The following ANKRD17 variants were observed in gnomAD, a reference collection of about 807,000 sequenced individuals.
ANKRD17 encodes the protein ankyrin repeat domain 17.
ANKRD17 carries 19 observed loss-of-function variants against 229.7 expected under a neutral mutation model. That is an observed-to-expected ratio of 0.08 (90% CI 0.06 to 0.12). ANKRD17 has a LOEUF of 0.12. Ranked by LOEUF, ANKRD17 falls within the 10% of genes least tolerant of loss-of-function variation. The probability of loss-of-function intolerance (pLI) is 1.00; values close to 1 mark genes in which losing one functional copy is unlikely to be tolerated. For synonymous variants in ANKRD17, 1,112 were observed against 1,146.1 expected (o/e 0.97, Z 0.60); for missense variants, 2,176 against 3,176.8 (o/e 0.68, Z 7.57).
At chr4:73,207,096 T>C (rs553100452) in intron 1 of ANKRD17, among the ~76,000 whole-genome samples, 1 of 152,294 alleles carries the variant, frequency 6.6e-6, no homozygotes, top group East Asian at 1.9e-4. Flanking sequence ...AGTGCTAGGA[T>C]TACAGGCATG....
intron 1 of ANKRD17, among the ~76,000 whole-genome samples, chr4:73,223,500 G>A (rs765991893): frequency 6.6e-6 from 1 of 152,078 alleles, no homozygotes; most frequent in Non-Finnish European, 1.5e-5. Flanking sequence ...TGCTACATCA[G>A]GCAAATGTAT....
intron 16 of ANKRD17, among the ~76,000 whole-genome samples, chr4:73,133,765 G>GT (rs1263512533): frequency 1.3e-5 from 2 of 152,082 alleles, no homozygotes; most frequent in African/African-American, 4.8e-5. Context: ...TGGCACACCT[G>GT]TAATTCCAGC....
chr4:73,118,939 T>C, intron 21 of ANKRD17, 89 bp from the exon 22 acceptor site: 1 of 1,372,576 alleles, frequency 7.3e-7, no homozygotes, highest in East Asian at 2.3e-5. Context: ...CAGGCTGGAG[T>C]GCAGTGGTGA....
Position 73,139,659 on chromosome 4 carries a change from C to G in ANKRD17, c.2957G>C (p.Gly986Ala). ...NLTELQGVIV[G>A]QPVLGQAQLA... ...CTGTGCTTGGCCCAGTACTGGCTGTCCAACTATCACTCCTTGCAGTTCTGT... is the reference window on the plus strand; with the variant it reads ...CTGTGCTTGGCCCAGTACTGGCTGTGCAACTATCACTCCTTGCAGTTCTGT... Residue 986 changes from glycine to alanine, a missense_variant, in exon 15 of 34, where the codon GGA (glycine) becomes GCA (alanine). Around this residue, in one of 18 missense-constraint regions of ANKRD17, gnomAD observed 230 missense variants for 252.3 expected, o/e 0.91. Coordinates refer to ENST00000358602, the MANE Select transcript of ANKRD17 (RefSeq NM_032217.5). 6.2e-7 allele frequency: 1 copy of G among 1,614,138 alleles called. No individual in the cohort carries two copies. The highest frequency in any genetic ancestry group is 8.5e-7 in the Non-Finnish European group (1 of 1,180,026).
chr4:73,182,208 A>G (rs1424113587), intron 1 of ANKRD17, among the ~76,000 whole-genome samples: 1 of 152,014 alleles, frequency 6.6e-6, no homozygotes, highest in Non-Finnish European at 1.5e-5. Flanking sequence ...TAAGGGGGGA[A>G]AAAAGTTATC....
chr4:73,115,780 C>T (rs1288566130), intron 23 of ANKRD17, 41 bp downstream of exon 23: 2 of 1,465,910 alleles, frequency 1.4e-6, no homozygotes, highest in Middle Eastern at 1.8e-4. Context: ...GATATATTAA[C>T]CGAATAGAGT....
In ANKRD17 at chr4:73,124,881, AG is replaced by A. The variant is rs1217396418; in HGVS notation, c.3492+31del. The A allele has an allele frequency of 3.7e-6, 6 of 1,602,134 alleles. No individual in the cohort carries two copies. The East Asian group carries it at 1.3e-4, about 36-fold the overall frequency. On this transcript the variant is annotated intron_variant, in intron 18 of 33. Coordinates refer to ENST00000358602, the MANE Select transcript of ANKRD17 (RefSeq NM_032217.5). ...AAGTACACATTTGCTAAACAGAGAA[AG>A]GAAAACAATTACACTAAGGGGAAAC... is the stretch of plus-strand genomic sequence containing the variant.
At chr4:73,173,484 C>T (rs950466590) in intron 2 of ANKRD17, among the ~76,000 whole-genome samples, 2 of 152,114 alleles carry the variant, frequency 1.3e-5, no homozygotes, top group African/African-American at 4.8e-5. Flanking sequence ...CTTGGATGGG[C>T]AGAATAGCAT....
intron 29 of ANKRD17, among the ~76,000 whole-genome samples, chr4:73,087,424 T>A (rs913184514): frequency 6.6e-6 from 1 of 152,148 alleles, no homozygotes; most frequent in African/African-American, 2.4e-5. Flanking sequence ...GTTCAAAACA[T>A]CACCTATATG....
In ANKRD17 at chr4:73,139,629, G is replaced by C; in HGVS notation, c.2987C>G (p.Ala996Gly). Reference sequence around the variant, plus strand: ...TGTCAGAATTCCTTGCCCCAGCCCTGCCAACTGTGCTTGGCCCAGTACTGG... The same window carrying C: ...TGTCAGAATTCCTTGCCCCAGCCCTCCCAACTGTGCTTGGCCCAGTACTGG... ...GQPVLGQAQL[A>G]GLGQGILTET... Residue 996 changes from alanine to glycine, a missense_variant, in exon 15 of 34, where the codon GCA (alanine) becomes GGA (glycine). Around this residue, in one of 18 missense-constraint regions of ANKRD17, gnomAD observed 230 missense variants for 252.3 expected, o/e 0.91. Coordinates refer to ENST00000358602, the MANE Select transcript of ANKRD17 (RefSeq NM_032217.5). 1 of 1,614,036 alleles carries C rather than the reference G, an allele frequency of 6.2e-7. No individual in the cohort carries two copies. The highest frequency in any genetic ancestry group is 8.5e-7 in the Non-Finnish European group (1 of 1,179,994).
intron 16 of ANKRD17, among the ~76,000 whole-genome samples, chr4:73,127,763 T>C (rs908953714): frequency 6.6e-6 from 1 of 152,250 alleles, no homozygotes; most frequent in African/African-American, 2.4e-5. Flanking sequence ...ATATGTAGCA[T>C]TGATTACATT....
chr4:73,078,205 C>A (rs573624761), intron 31 of ANKRD17, among the ~76,000 whole-genome samples: 1 of 151,904 alleles, frequency 6.6e-6, no homozygotes, highest in African/African-American at 2.4e-5. Flanking sequence ...GGTGAAACCC[C>A]GTCTCTACTA....
chr4:73,179,518 A>ATATATATATATATTTTTT (rs1192164276), intron 1 of ANKRD17, among the ~76,000 whole-genome samples: 1 of 40,804 alleles, frequency 2.5e-5, no homozygotes, highest in Non-Finnish European at 4.6e-5. Flanking sequence ...ATATATATAT[A>ATATATATATATATTTTTT]TTTTTTTTTT....
chr4:73,115,705 CTAGA>C, intron 23 of ANKRD17, 112 bp downstream of exon 23: 1 of 708,664 alleles, frequency 1.4e-6, no homozygotes, highest in Non-Finnish European at 2.4e-6. Context: ...TTCCCAAATA[CTAGA>C]TAAATGAAAA....
chr4:73,200,181 C>T (rs1241839502), intron 1 of ANKRD17, among the ~76,000 whole-genome samples: 1 of 152,178 alleles, frequency 6.6e-6, no homozygotes, highest in Non-Finnish European at 1.5e-5. Context: ...CAAATGTCTG[C>T]TTCCATTCAG....
At chr4:73,117,973 T>C (rs1343273045) in intron 22 of ANKRD17, among the ~76,000 whole-genome samples, 1 of 152,216 alleles carries the variant, frequency 6.6e-6, no homozygotes, top group Admixed American at 6.5e-5. Flanking sequence ...GGCATTTTCA[T>C]TATTTAATTC....
chr4:73,121,261 A>T, intron 19 of ANKRD17, 167 bp from the exon 20 acceptor site: 2 of 658,390 alleles, frequency 3.0e-6, no homozygotes, highest in Admixed American at 5.7e-5. Context: ...AGACTCCATT[A>T]GAAATGTTTT....
chr4:73,225,858 T>A (rs1396885661), intron 1 of ANKRD17, among the ~76,000 whole-genome samples: 1 of 24,076 alleles, frequency 4.2e-5, no homozygotes, highest in African/African-American at 1.5e-4. Context: ...CAAGACTCTG[T>A]CTCAAAAAAA....
chr4:73,080,319 A>G (rs1194518995), intron 30 of ANKRD17, among the ~76,000 whole-genome samples: 3 of 152,224 alleles, frequency 2.0e-5, no homozygotes, highest in African/African-American at 4.8e-5. Flanking sequence ...AAAAAAAGCT[A>G]TAACCTAAAA....
Sources: allele counts gnomAD v4.1 joint callset (sites outside exome capture counted in the v4.1 genomes callset), GRCh38; gene constraint gnomAD v4.1.1; regional missense constraint gnomAD v4.1.1; transcripts MANE v1.5; gene names NCBI Gene and HGNC (gene_info 2026-07-23, HGNC 2026-07-21).